Variants in FHOD3 observed in about 807,000 individuals in gnomAD.
The protein encoded by FHOD3 is FH1/FH2 domain-containing protein 3.
FHOD3 carries 90 observed loss-of-function variants against 173.0 expected under a neutral mutation model. The observed-to-expected ratio is 0.52, with a 90% CI of 0.44 to 0.62. The LOEUF is 0.62. FHOD3 is among the 20% of genes least tolerant of loss of function. The probability of loss-of-function intolerance (pLI) is 0.00; values close to 1 mark genes in which losing one functional copy is unlikely to be tolerated. For synonymous variants in FHOD3, 828 were observed against 823.0 expected, an observed-to-expected ratio of 1.01 and a Z score of -0.10; for missense variants, 1,945 against 2,034.7, an observed-to-expected ratio of 0.96 and a Z score of 0.85.
At chr18:36,464,041 G>A (rs932948209) in intron 3 of FHOD3, among the ~76,000 whole-genome samples, 2 of 152,190 alleles carry the variant, frequency 1.3e-5, no homozygotes, top group African/African-American at 2.4e-5. Context: ...TTTTTGCAAT[G>A]AGATTAAATA....
chr18:36,619,246 T>A (rs369829894), intron 9 of FHOD3, among the ~76,000 whole-genome samples: 10 of 152,298 alleles, frequency 6.6e-5, no homozygotes, highest in African/African-American at 1.7e-4. Flanking sequence ...CTGATTCCCC[T>A]AGCAGAGGAT....
intron 8 of FHOD3, among the ~76,000 whole-genome samples, chr18:36,606,887 C>T (rs1213812552): frequency 6.6e-6 from 1 of 152,150 alleles, no homozygotes; most frequent in South Asian, 2.1e-4. Flanking sequence ...CTTAAGACAC[C>T]AGAATAATCT....
chr18:36,635,049 C>T (rs2034786444), intron 10 of FHOD3, among the ~76,000 whole-genome samples: 1 of 152,070 alleles, frequency 6.6e-6, no homozygotes, highest in African/African-American at 2.4e-5. Context: ...TGGAATACAG[C>T]CAGTGATTCA....
At chr18:36,576,353 G>A (rs1347577696) in intron 5 of FHOD3, 98 bp from the exon 6 acceptor site, 3 of 738,452 alleles carry the variant, frequency 4.1e-6, no homozygotes, top group Non-Finnish European at 6.5e-6. Flanking sequence ...AACATACTGT[G>A]TACTTAAAGT....
At chr18:36,401,025 C>A (rs1256314240) in intron 3 of FHOD3, among the ~76,000 whole-genome samples, 1 of 152,122 alleles carries the variant, frequency 6.6e-6, no homozygotes, top group Non-Finnish European at 1.5e-5. Context: ...GTGGATCACT[C>A]TTGCATTCCA....
At chr18:36,636,765 G>A (rs1227508569) in intron 10 of FHOD3, among the ~76,000 whole-genome samples, 1 of 151,850 alleles carries the variant, frequency 6.6e-6, no homozygotes, top group Non-Finnish European at 1.5e-5. Context: ...CCTGTGGGGT[G>A]CAGGTATTTG....
At chr18:36,639,402 G>A (rs940678017) in intron 10 of FHOD3, among the ~76,000 whole-genome samples, 1 of 152,184 alleles carries the variant, frequency 6.6e-6, no homozygotes, top group Non-Finnish European at 1.5e-5. Context: ...GCAGGGTGTG[G>A]TGGCTCACCT....
At chr18:36,397,783 C>T (rs557953524) in intron 3 of FHOD3, among the ~76,000 whole-genome samples, 1 of 152,254 alleles carries the variant, frequency 6.6e-6, no homozygotes, top group South Asian at 2.1e-4. Flanking sequence ...TAGGGGTCCG[C>T]ACTCTAGGGC....
At chr18:36,430,309 C>T (rs543919027) in intron 3 of FHOD3, among the ~76,000 whole-genome samples, 2 of 152,278 alleles carry the variant, frequency 1.3e-5, no homozygotes, top group Admixed American at 6.5e-5. Flanking sequence ...CTCCGCCTCC[C>T]GAGTTCAAGC....
chr18:36,399,556 C>T (rs1420348047), intron 3 of FHOD3, among the ~76,000 whole-genome samples: 2 of 152,146 alleles, frequency 1.3e-5, no homozygotes, highest in East Asian at 1.9e-4. Context: ...TGGTGGGTGA[C>T]CCTGAGGAAG....
chr18:36,585,135 C>T (rs1296690672), intron 6 of FHOD3, among the ~76,000 whole-genome samples: 1 of 152,142 alleles, frequency 6.6e-6, no homozygotes, highest in Non-Finnish European at 1.5e-5. Flanking sequence ...TCTTGTTAAT[C>T]GAATTGTTTC....
At chr18:36,547,930 CG>C (rs1806617763) in intron 5 of FHOD3, among the ~76,000 whole-genome samples, 1 of 152,190 alleles carries the variant, frequency 6.6e-6, no homozygotes, top group African/African-American at 2.4e-5. Context: ...CAGTGGCTCA[CG>C]CTTGTAATCC....
intron 6 of FHOD3, among the ~76,000 whole-genome samples, chr18:36,582,311 G>A: frequency 6.6e-6 from 1 of 152,160 alleles, no homozygotes; most frequent in East Asian, 1.9e-4. Context: ...CCCAAATATG[G>A]GGGTGAGAGC....
intron 3 of FHOD3, among the ~76,000 whole-genome samples, chr18:36,439,521 A>ATATGTGTG (rs1491431031): frequency 2.1e-5 from 3 of 144,732 alleles, no homozygotes; most frequent in Admixed American, 6.8e-5. Flanking sequence ...AACCAATAGA[A>ATATGTGTG]TGTGTGTGTG....
At chr18:36,541,790 C>T (rs7236241) in intron 5 of FHOD3, among the ~76,000 whole-genome samples, 9,774 of 152,212 alleles carry the variant, frequency 0.064, 520 homozygotes, top group South Asian at 0.22. Flanking sequence ...ACATGCTTCT[C>T]TATGGGGCAG....
chr18:36,309,048 C>T (rs150684867), intron 1 of FHOD3, among the ~76,000 whole-genome samples: 109 of 152,242 alleles, frequency 7.2e-4, no homozygotes, highest in African/African-American at 2.6e-3. Flanking sequence ...AAGGAAGCCC[C>T]ATGTTGGCAA....
At chr18:36,593,769 C>A (rs997393344) in intron 6 of FHOD3, among the ~76,000 whole-genome samples, 6 of 152,212 alleles carry the variant, frequency 3.9e-5, no homozygotes, top group African/African-American at 1.4e-4. Context: ...TCCCTCTGTG[C>A]CAAGTGCCAT....
chr18:36,757,719 C>G (rs1297762508), intron 25 of FHOD3, among the ~76,000 whole-genome samples: 1 of 152,230 alleles, frequency 6.6e-6, no homozygotes, highest in African/African-American at 2.4e-5. Flanking sequence ...TTCTTCTCCC[C>G]GTTTCTGGGT....
intron 1 of FHOD3, among the ~76,000 whole-genome samples, chr18:36,345,223 G>A (rs1400215987): frequency 6.6e-6 from 1 of 150,998 alleles, no homozygotes; most frequent in African/African-American, 2.4e-5. Context: ...TTTTTATCAC[G>A]GTGAAATTAA....
Sources: gnomAD v4.1 joint callset for allele counts (sites outside exome capture counted in the v4.1 genomes callset) on GRCh38, gnomAD v4.1.1 for gene constraint, MANE v1.5 for transcripts, NCBI Gene and HGNC (gene_info 2026-07-23, HGNC 2026-07-21) for gene names.